The following PCGF5 variants were observed in gnomAD, a reference collection of about 807,000 sequenced individuals.
PCGF5 encodes polycomb group RING finger protein 5.
In PCGF5, 9 loss-of-function variants were observed where a neutral mutation model predicts 44.3. That is an observed-to-expected ratio of 0.20 (90% CI 0.12 to 0.35). The LOEUF (loss-of-function observed/expected upper bound fraction) is 0.35. Ranked by LOEUF, PCGF5 falls within the 10% of genes least tolerant of loss-of-function variation. The pLI is 1.00. For missense variants in PCGF5, 146 were observed against 305.3 expected, an observed-to-expected ratio of 0.48 and a Z score of 3.89; for synonymous variants, 95 against 102.5, an observed-to-expected ratio of 0.93 and a Z score of 0.44.
rs1341464454 is a variant in PCGF5, at chr10:91,279,128, A to G, written c.*812A>G. 1 of 152,272 alleles carries G rather than the reference A, an allele frequency of 6.6e-6. No homozygotes were observed. 9.4% of individuals were successfully genotyped at this position (152,272 alleles called of 1,614,324 possible). A position where few individuals can be genotyped will look rare whatever the true frequency, so the allele number is the denominator to read the frequency against. ...CCTTATGACAAGCAGGTGCTGCTTC[A>G]TGAAACGTCATTGTATAGCCCATTT... On this transcript the variant is annotated 3_prime_UTR_variant, in exon 10 of 10. Coordinates refer to ENST00000336126, the MANE Select transcript of PCGF5 (RefSeq NM_032373.5).
chr10:91,185,883 C>T (rs1278177683), intron 1 of PCGF5, among the ~76,000 whole-genome samples: 1 of 152,086 alleles, frequency 6.6e-6, no homozygotes, highest in Non-Finnish European at 1.5e-5. Context: ...TCTCTGTTCT[C>T]TGTGGGTCAG....
At chr10:91,211,792 C>A (rs1254789402) in intron 1 of PCGF5, among the ~76,000 whole-genome samples, 1 of 152,148 alleles carries the variant, frequency 6.6e-6, no homozygotes, top group Non-Finnish European at 1.5e-5. Flanking sequence ...TAGTGAGAAG[C>A]CTGGTCGAGT....
chr10:91,269,585 T>C (rs189764344), intron 8 of PCGF5, among the ~76,000 whole-genome samples: 1 of 152,288 alleles, frequency 6.6e-6, no homozygotes, highest in East Asian at 1.9e-4. Flanking sequence ...CTACTACATA[T>C]ATGCAAGCAT....
intron 3 of PCGF5, among the ~76,000 whole-genome samples, chr10:91,246,793 G>A (rs370832412): frequency 6.6e-6 from 1 of 152,170 alleles, no homozygotes; most frequent in South Asian, 2.1e-4. Context: ...TTTAAAAAAA[G>A]CGAGACAATG....
chr10:91,278,377 T>C lies in PCGF5; in HGVS notation c.*61T>C, dbSNP rs1846368826. On this transcript the variant is annotated 3_prime_UTR_variant, in exon 10 of 10. Transcript: ENST00000336126. The stretch of plus-strand genomic sequence containing the variant: ...CACTATTTGTTTACTCGTCAACAGA[T>C]TGCACAGTTAACGGTGTGTGGACTA... The C allele has an allele frequency of 2.1e-6, 3 of 1,440,910 alleles. No individual in the cohort carries two copies. Among genetic ancestry groups the C allele is most frequent in the African/African-American group, 2.8e-5 (2 of 71,272 alleles). The allele number at this position is 1,440,910 out of a possible 1,614,324, so 89.3% of individuals were successfully genotyped here.
Position 91,240,594 on chromosome 10 carries a change from AT to A in PCGF5, c.209+18del. On this transcript the variant is annotated intron_variant, in intron 3 of 9. Coordinates refer to ENST00000336126, the MANE Select transcript of PCGF5 (RefSeq NM_032373.5). ...AGAAATGTTGAGGTAAGGATGTTATATTTTACAGTTCATCTAATTTACATAA... is the reference window on the plus strand; with the variant it reads ...AGAAATGTTGAGGTAAGGATGTTATATTTACAGTTCATCTAATTTACATAA... The A allele has an allele frequency of 1.3e-6, 2 of 1,538,588 alleles. No individual in the cohort carries two copies. Among genetic ancestry groups the A allele is most frequent in the Non-Finnish European group, 1.8e-6 (2 of 1,118,800 alleles).
At chr10:91,243,930 A>G (rs1194730260) in intron 3 of PCGF5, among the ~76,000 whole-genome samples, 1 of 152,220 alleles carries the variant, frequency 6.6e-6, no homozygotes, top group African/African-American at 2.4e-5. Flanking sequence ...TAGAAGGAAG[A>G]TGGAGAGCTC....
upstream of PCGF5, among the ~76,000 whole-genome samples, chr10:91,159,976 T>A (rs1843358838): frequency 6.6e-6 from 1 of 152,230 alleles, no homozygotes; most frequent in Non-Finnish European, 1.5e-5. Flanking sequence ...ATTCTAATTA[T>A]ATAAATCATA....
intron 9 of PCGF5, among the ~76,000 whole-genome samples, chr10:91,276,861 G>A (rs1846328721): frequency 6.6e-6 from 1 of 152,158 alleles, no homozygotes; most frequent in Non-Finnish European, 1.5e-5. Context: ...GAGGTAGAAT[G>A]GAAAGGATAT....
intron 2 of PCGF5, among the ~76,000 whole-genome samples, chr10:91,236,046 C>G (rs1370850929): frequency 1.3e-5 from 2 of 152,070 alleles, no homozygotes; most frequent in Non-Finnish European, 2.9e-5. Flanking sequence ...CCACTGCCCT[C>G]CAGCCTGGAT....
At chr10:91,247,847 C>T (rs896460873) in intron 3 of PCGF5, among the ~76,000 whole-genome samples, 7 of 152,024 alleles carry the variant, frequency 4.6e-5, no homozygotes, top group Non-Finnish European at 8.8e-5. Flanking sequence ...ACAGACAACC[C>T]CTAAATTGAT....
At chr10:91,239,079 T>G (rs1319693789) in intron 2 of PCGF5, among the ~76,000 whole-genome samples, 1 of 152,072 alleles carries the variant, frequency 6.6e-6, no homozygotes, top group Non-Finnish European at 1.5e-5. Flanking sequence ...TCACTTTATT[T>G]AAAATAGCTG....
rs762371922 is a variant in PCGF5 at position 91,240,452 on chromosome 10, G to A, written c.113-32G>A. On this transcript the variant is annotated intron_variant, in intron 2 of 9. Transcript: ENST00000336126. ...AACATTAAATGAGCGTTCATATGATGCGTTTTAACCTAACATCTTCTTTCT... is the reference window on the plus strand; with the variant it reads ...AACATTAAATGAGCGTTCATATGATACGTTTTAACCTAACATCTTCTTTCT... 2.5e-5 allele frequency: 35 copies of A among 1,407,616 alleles called. 1 individual carries two copies. In the South Asian group the frequency reaches 3.4e-4, roughly 14 times the overall value. 87.2% of individuals were successfully genotyped at this position (1,407,616 alleles called of 1,614,324 possible).
At chr10:91,190,934 T>G (rs1844021285) in intron 1 of PCGF5, among the ~76,000 whole-genome samples, 1 of 152,212 alleles carries the variant, frequency 6.6e-6, no homozygotes, top group Non-Finnish European at 1.5e-5. Context: ...TAAAATATGC[T>G]TCACTTCATT....
Position 91,231,692 on chromosome 10 carries a change from A to T in PCGF5, c.112+8709A>T, listed in dbSNP as rs778847879. Among the ~76,000 whole-genome samples, 46 of 152,286 alleles carry T rather than the reference A, an allele frequency of 3.0e-4. No individual in the cohort carries two copies. In the Middle Eastern group the frequency reaches 0.01, roughly 34 times the overall value. ...TGCTTTTACTCTGAGAGAAATGAAG[A>T]TCCGTTTCAGGCAGGGTTTTGAGTA... is the stretch of plus-strand genomic sequence containing the variant. On this transcript the variant is annotated intron_variant, in intron 2 of 9. Transcript: ENST00000336126.
At chr10:91,237,157 G>T (rs1184128353) in intron 2 of PCGF5, among the ~76,000 whole-genome samples, 7 of 151,996 alleles carry the variant, frequency 4.6e-5, no homozygotes, top group African/African-American at 1.5e-4. Context: ...CTAATTAATA[G>T]GAATGTAGTA....
intron 2 of PCGF5, among the ~76,000 whole-genome samples, chr10:91,223,976 G>A (rs141085891): frequency 3.2e-4 from 49 of 151,722 alleles, no homozygotes; most frequent in Non-Finnish European, 2.2e-4. Context: ...AGTAAGCCTC[G>A]TTTTTCAGCT....
chr10:91,247,203 A>C (rs1370728559), intron 3 of PCGF5, among the ~76,000 whole-genome samples: 1 of 152,004 alleles, frequency 6.6e-6, no homozygotes, highest in African/African-American at 2.4e-5. Flanking sequence ...AAACAAAGGA[A>C]ATTTTCAGGG....
intron 1 of PCGF5, among the ~76,000 whole-genome samples, chr10:91,164,649 C>G (rs190298778): frequency 1.3e-5 from 2 of 152,282 alleles, no homozygotes; most frequent in East Asian, 3.9e-4. Flanking sequence ...TTCATGAATA[C>G]AGAATTTTTC....
Sources: gnomAD v4.1 joint callset for allele counts (sites outside exome capture counted in the v4.1 genomes callset) on GRCh38, gnomAD v4.1.1 for gene constraint, MANE v1.5 for transcripts, NCBI Gene and HGNC (gene_info 2026-07-23, HGNC 2026-07-21) for gene names.